Variants in NRXN3 observed in about 807,000 individuals in gnomAD.
NRXN3 encodes neurexin 3.
NRXN3 carries 32 observed loss-of-function variants against 137.6 expected under a neutral mutation model. The ratio of observed to expected loss-of-function variants is 0.23; its 90% CI spans 0.18 to 0.31. The LOEUF (loss-of-function observed/expected upper bound fraction) is 0.31. Among genes scored for constraint, NRXN3 ranks in the 10% least tolerant of loss-of-function variants. The pLI is 1.00. For synonymous variants in NRXN3, 798 were observed against 784.5 expected (o/e 1.02, Z -0.29); for missense variants, 1,574 against 2,062.5 (o/e 0.76, Z 4.59).
intron 19 of NRXN3, among the ~76,000 whole-genome samples, chr14:79,802,989 A>G (rs2099187823): frequency 6.6e-6 from 1 of 152,164 alleles, no homozygotes; most frequent in African/African-American, 2.4e-5. Flanking sequence ...CATCGCACCC[A>G]TTTACCTATG....
intron 15 of NRXN3, among the ~76,000 whole-genome samples, chr14:79,062,476 GC>G (rs2099675422): frequency 6.6e-6 from 1 of 151,956 alleles, no homozygotes; most frequent in African/African-American, 2.4e-5. Flanking sequence ...ACTGACTCAG[GC>G]CCCCCAGAAT....
At chr14:79,790,780 C>G (rs1308178750) in intron 19 of NRXN3, among the ~76,000 whole-genome samples, 3 of 151,992 alleles carry the variant, frequency 2.0e-5, no homozygotes, top group Admixed American at 2.0e-4. Context: ...GCCACCACAC[C>G]TGGCTAATTT....
intron 8 of NRXN3, among the ~76,000 whole-genome samples, chr14:78,783,578 A>C (rs187772745): frequency 3.3e-5 from 5 of 152,326 alleles, no homozygotes; most frequent in African/African-American, 1.2e-4. Flanking sequence ...ATGGTAATGT[A>C]AGAGGTTATT....
At chr14:79,423,553 G>A (rs1356372283) in intron 15 of NRXN3, among the ~76,000 whole-genome samples, 1 of 152,200 alleles carries the variant, frequency 6.6e-6, no homozygotes, top group Non-Finnish European at 1.5e-5. Flanking sequence ...AAACTTCAGT[G>A]TGCTTGTTTC....
intron 15 of NRXN3, among the ~76,000 whole-genome samples, chr14:79,059,497 TC>T (rs2099671497): frequency 1.3e-5 from 2 of 151,978 alleles, no homozygotes; most frequent in South Asian, 4.2e-4. Context: ...GACCTCGTGA[TC>T]CCCCAGCCTT....
chr14:78,830,293 G>T (rs999233049), intron 10 of NRXN3, among the ~76,000 whole-genome samples: 1 of 152,002 alleles, frequency 6.6e-6, no homozygotes, highest in Admixed American at 6.6e-5. Context: ...TGACAAACTG[G>T]TGATATCTTA....
At chr14:78,738,188 A>G (rs774370751) in intron 8 of NRXN3, among the ~76,000 whole-genome samples, 66 of 152,280 alleles carry the variant, frequency 4.3e-4, no homozygotes, top group Admixed American at 9.2e-4. Context: ...GTCTTCGTTC[A>G]TTTATGATTT....
At chr14:79,693,142 A>G (rs1202343079) in intron 18 of NRXN3, among the ~76,000 whole-genome samples, 2 of 152,032 alleles carry the variant, frequency 1.3e-5, no homozygotes, top group Non-Finnish European at 2.9e-5. Flanking sequence ...TTGTTTTTCA[A>G]TGAAAAACAG....
Position 79,631,760 on chromosome 14 carries a change from G to A in NRXN3, c.3445-32018G>A, listed in dbSNP as rs139941966. Among the ~76,000 whole-genome samples, 307 of 151,966 alleles carry A rather than the reference G, an allele frequency of 2.0e-3. 1 individual carries two copies. The highest frequency in any genetic ancestry group is 9.5e-3 in the South Asian group (46 of 4,830). ...TAAAGGTTTGTAAACGCACCAATCA[G>A]CACTCTGTGTCTAGCTAAAGGTTTG... On this transcript the variant is annotated intron_variant, in intron 16 of 20. Coordinates refer to ENST00000335750, the MANE Select transcript of NRXN3 (RefSeq NM_001330195.2).
intron 16 of NRXN3, among the ~76,000 whole-genome samples, chr14:79,501,411 A>G (rs1257273454): frequency 6.6e-6 from 1 of 152,102 alleles, no homozygotes; most frequent in Non-Finnish European, 1.5e-5. Flanking sequence ...ACCACTATGC[A>G]TCATCAGTTA....
intron 15 of NRXN3, among the ~76,000 whole-genome samples, chr14:79,283,631 GC>G: frequency 6.6e-6 from 1 of 151,998 alleles, no homozygotes; most frequent in African/African-American, 2.4e-5. Context: ...TACCTGGGGT[GC>G]CCCCAAAAAA....
chr14:78,449,921 A>T (rs946515539), intron 4 of NRXN3, among the ~76,000 whole-genome samples: 1 of 152,192 alleles, frequency 6.6e-6, no homozygotes, highest in African/African-American at 2.4e-5. Context: ...CCCACTAAGG[A>T]ATCCTTCTCC....
chr14:79,035,396 A>G (rs535060076), intron 15 of NRXN3, among the ~76,000 whole-genome samples: 4 of 152,084 alleles, frequency 2.6e-5, no homozygotes, highest in Non-Finnish European at 5.9e-5. Flanking sequence ...AAAACGTGCC[A>G]TATTTGGTCT....
chr14:79,016,727 C>A (rs1228481772), intron 15 of NRXN3, among the ~76,000 whole-genome samples: 2 of 152,134 alleles, frequency 1.3e-5, no homozygotes, highest in African/African-American at 2.4e-5. Context: ...AACTGAATGA[C>A]CCTGAGCAAA....
chr14:79,396,748 G>A (rs1481479475), intron 15 of NRXN3, among the ~76,000 whole-genome samples: 1 of 151,998 alleles, frequency 6.6e-6, no homozygotes, highest in Admixed American at 6.6e-5. Context: ...ACAAACCAAA[G>A]GTCAATATCA....
chr14:78,426,929 T>C, intron 4 of NRXN3, among the ~76,000 whole-genome samples: 1 of 152,120 alleles, frequency 6.6e-6, no homozygotes, highest in East Asian at 1.9e-4. Context: ...GAGTTCAGAT[T>C]TGGAATAAAC....
intron 19 of NRXN3, among the ~76,000 whole-genome samples, chr14:79,803,828 A>G (rs1270119703): frequency 6.6e-6 from 1 of 151,566 alleles, no homozygotes; most frequent in Non-Finnish European, 1.5e-5. Flanking sequence ...GTCATGTAAT[A>G]GTCATCCCTG....
At chr14:78,272,111 A>G (rs1001117804) in intron 2 of NRXN3, among the ~76,000 whole-genome samples, 4 of 151,676 alleles carry the variant, frequency 2.6e-5, no homozygotes, top group Non-Finnish European at 5.9e-5. Flanking sequence ...TTCTAATGTT[A>G]TGGCTCAGTG....
chr14:78,592,151 T>A (rs192416593), intron 4 of NRXN3, among the ~76,000 whole-genome samples: 2 of 152,340 alleles, frequency 1.3e-5, no homozygotes, highest in East Asian at 3.9e-4. Context: ...ATAAATCAGC[T>A]TTGCAAAGTG....
Sources: allele counts gnomAD v4.1 joint callset (sites outside exome capture counted in the v4.1 genomes callset), GRCh38; gene constraint gnomAD v4.1.1; transcripts MANE v1.5; gene names NCBI Gene and HGNC (gene_info 2026-07-23, HGNC 2026-07-21).